Variants in RALY observed in about 807,000 individuals in gnomAD.
RALY encodes the protein RNA-binding protein Raly.
Under a neutral mutation model 30.7 loss-of-function variants are expected in RALY, and 15 were observed. The observed-to-expected ratio is 0.49, with a 90% CI of 0.33 to 0.75. RALY has a LOEUF of 0.75. Ranked by LOEUF, RALY falls within the 30% of genes least tolerant of loss-of-function variation. The probability of loss-of-function intolerance (pLI) is 0.02; values close to 1 mark genes in which losing one functional copy is unlikely to be tolerated. For missense variants in RALY, 339 were observed against 414.3 expected (o/e 0.82, Z 1.58); for synonymous variants, 177 against 170.8 (o/e 1.04, Z -0.28).
At chr20:34,027,074 C>A (rs1022349434) in intron 1 of RALY, among the ~76,000 whole-genome samples, 2 of 152,154 alleles carry the variant, frequency 1.3e-5, no homozygotes, top group East Asian at 3.9e-4. Context: ...CACAATCTTA[C>A]GGAGAAGACA....
intron 9 of RALY, among the ~76,000 whole-genome samples, chr20:34,078,989 C>T (rs990146429): frequency 1.3e-5 from 2 of 152,194 alleles, no homozygotes; most frequent in Non-Finnish European, 2.9e-5. Flanking sequence ...AGGGGAATGG[C>T]CTTAGCCATA....
intron 2 of RALY, among the ~76,000 whole-genome samples, chr20:34,057,682 AAAAC>A (rs1425475198): frequency 6.6e-6 from 1 of 151,982 alleles, no homozygotes; most frequent in Non-Finnish European, 1.5e-5. Context: ...AAAAAAAAAA[AAAAC>A]AACCTCTGAT....
intron 1 of RALY, among the ~76,000 whole-genome samples, chr20:34,019,332 A>G (rs6088376): frequency 0.1 from 15,042 of 147,290 alleles, 893 homozygotes; most frequent in African/African-American, 0.18. Flanking sequence ...GTCTCAAAAG[A>G]AAAAAAAAAA....
intron 1 of RALY, among the ~76,000 whole-genome samples, chr20:34,001,841 A>G (rs930260489): frequency 1.3e-5 from 2 of 152,018 alleles, no homozygotes; most frequent in African/African-American, 4.8e-5. Context: ...ATCTCCGCTC[A>G]CTGCAAGCTC....
Position 34,076,597 on chromosome 20 carries a change from C to A in RALY, c.545-105C>A, listed in dbSNP as rs552398155. On this transcript the variant is annotated intron_variant, in intron 6 of 9. Coordinates refer to ENST00000246194, the MANE Select transcript of RALY (RefSeq NM_016732.3). ...TAAGCAGGGAAAAAACAAAACAAAA[C>A]AAAAAATAACTGCTTTCCTGGTTGA... The A allele has an allele frequency of 1.6e-4, 169 of 1,049,560 alleles. No individual in the cohort carries two copies. The African/African-American group carries it at 2.4e-3, about 15-fold the overall frequency. The allele number at this position is 1,049,560 out of a possible 1,614,324, so 65.0% of individuals were successfully genotyped here.
At chr20:34,038,991 C>T (rs946515765) in intron 2 of RALY, among the ~76,000 whole-genome samples, 8 of 152,092 alleles carry the variant, frequency 5.3e-5, no homozygotes, top group African/African-American at 1.9e-4. Flanking sequence ...GCATTTTATA[C>T]CTGGGCCTCT....
At chr20:34,072,644 G>A (rs779303898) in intron 3 of RALY, among the ~76,000 whole-genome samples, 3 of 152,132 alleles carry the variant, frequency 2.0e-5, no homozygotes, top group African/African-American at 4.8e-5. Context: ...CTGTTACACC[G>A]GGTACAGATG....
chr20:34,039,412 A>G (rs946680525), intron 2 of RALY, among the ~76,000 whole-genome samples: 6 of 152,164 alleles, frequency 3.9e-5, no homozygotes, highest in Admixed American at 2.6e-4. Context: ...CAGTCAAGCT[A>G]TTTCTCTTTG....
At chr20:34,069,388 G>A (rs1176003463) in intron 2 of RALY, among the ~76,000 whole-genome samples, 1 of 152,102 alleles carries the variant, frequency 6.6e-6, no homozygotes, top group African/African-American at 2.4e-5. Flanking sequence ...ACAATACCAC[G>A]AACAGCTGTT....
At chr20:34,026,374 TTTTATTTATTTATTTATTTA>T (rs372397530) in intron 1 of RALY, among the ~76,000 whole-genome samples, 1,566 of 142,442 alleles carry the variant, frequency 0.011, 35 homozygotes, top group African/African-American at 0.039. Flanking sequence ...ACCTCAGACA[TTTTATTTATTTATTTATTTA>T]TTTATTTATT....
chr20:34,044,111 T>C (rs2032794239), intron 2 of RALY, among the ~76,000 whole-genome samples: 1 of 151,936 alleles, frequency 6.6e-6, no homozygotes, highest in African/African-American at 2.4e-5. Context: ...GGGAAAACAG[T>C]CCATTGTAGC....
intron 1 of RALY, chr20:34,030,070 A>C (rs1333565832): frequency 6.6e-6 from 1 of 152,328 alleles, no homozygotes; most frequent in African/African-American, 2.4e-5. Flanking sequence ...CTGCAAGTAT[A>C]TGGAGAGGAT....
chr20:34,052,768 C>T (rs1044187247), intron 2 of RALY, among the ~76,000 whole-genome samples: 8 of 152,182 alleles, frequency 5.3e-5, no homozygotes, highest in African/African-American at 1.9e-4. Context: ...CTGGGGGACT[C>T]ATCCAGTAGG....
chr20:34,009,974 C>G (rs993395273), intron 1 of RALY, among the ~76,000 whole-genome samples: 4 of 152,150 alleles, frequency 2.6e-5, no homozygotes, highest in African/African-American at 9.7e-5. Flanking sequence ...TGGTGAATCC[C>G]CTGCGACTAA....
chr20:34,012,817 C>G (rs145521584), intron 1 of RALY, among the ~76,000 whole-genome samples: 17 of 152,346 alleles, frequency 1.1e-4, no homozygotes, highest in Non-Finnish European at 1.8e-4. Context: ...CAGCATAGTG[C>G]TTAATACCCA....
chr20:33,997,814 A>G (rs2030711865), intron 1 of RALY, among the ~76,000 whole-genome samples: 2 of 152,156 alleles, frequency 1.3e-5, no homozygotes, highest in African/African-American at 4.8e-5. Context: ...TGTCCTGATA[A>G]CAACTGGGGG....
chr20:34,071,625 CA>C (rs2033730624), intron 2 of RALY, among the ~76,000 whole-genome samples: 1 of 152,020 alleles, frequency 6.6e-6, no homozygotes. Context: ...ACATCACTTG[CA>C]AATACCATGT....
intron 2 of RALY, among the ~76,000 whole-genome samples, chr20:34,069,345 G>A (rs1212286769): frequency 6.6e-6 from 1 of 152,148 alleles, no homozygotes; most frequent in Non-Finnish European, 1.5e-5. Flanking sequence ...TTAAAAACTT[G>A]GCTCACCAGT....
At chr20:34,061,559 A>G (rs1486484788) in intron 2 of RALY, among the ~76,000 whole-genome samples, 8 of 152,228 alleles carry the variant, frequency 5.3e-5, no homozygotes, top group Non-Finnish European at 7.3e-5. Flanking sequence ...AGTTTTGAGA[A>G]GTACTGACTT....
Sources: gnomAD v4.1 joint callset for allele counts (sites outside exome capture counted in the v4.1 genomes callset) on GRCh38, gnomAD v4.1.1 for gene constraint, MANE v1.5 for transcripts, NCBI Gene and HGNC (gene_info 2026-07-23, HGNC 2026-07-21) for gene names.